Variants in PLA2G5 observed in about 807,000 individuals in gnomAD.
The protein encoded by PLA2G5 is phospholipase A2 group V, also known as Ca2+-dependent phospholipase A2.
In PLA2G5, 12 loss-of-function variants were observed where a neutral mutation model predicts 15.9. That is an observed-to-expected ratio of 0.76 (90% CI 0.48 to 1.23). PLA2G5 has a LOEUF of 1.23. Ranked by LOEUF, PLA2G5 falls within the 50% of genes most tolerant of loss-of-function variation. The probability of loss-of-function intolerance (pLI) is 0.00; values close to 1 mark genes in which losing one functional copy is unlikely to be tolerated. For missense variants in PLA2G5, 169 were observed against 177.1 expected (o/e 0.95, Z 0.26); for synonymous variants, 71 against 71.4 (o/e 0.99, Z 0.03).
At chr1:20,030,416 C>T (rs184436823) in intron 1 of PLA2G5, among the ~76,000 whole-genome samples, 33 of 152,184 alleles carry the variant, frequency 2.2e-4, no homozygotes, top group African/African-American at 7.9e-4. Context: ...GTATTGCCAC[C>T]AGCATGTCTC....
chr1:20,070,580 G>A (rs1417970631), intron 1 of PLA2G5, 115 bp downstream of exon 1: 2 of 526,754 alleles, frequency 3.8e-6, no homozygotes, highest in East Asian at 1.5e-4. Context: ...AGGGGGAGGT[G>A]CGCAGGCACA....
intron 1 of PLA2G5, among the ~76,000 whole-genome samples, chr1:20,049,949 A>G (rs941819460): frequency 5.3e-5 from 8 of 152,258 alleles, no homozygotes; most frequent in Non-Finnish European, 8.8e-5. Context: ...GTTGTGGCCT[A>G]ATGCTAACAA....
At chr1:20,030,626 C>T (rs1335779222) in intron 1 of PLA2G5, among the ~76,000 whole-genome samples, 9 of 152,098 alleles carry the variant, frequency 5.9e-5, no homozygotes, top group Admixed American at 5.9e-4. Flanking sequence ...ATGGTCAGGT[C>T]TTTCCCTTCC....
At chr1:20,082,523 C>T (rs2016088039) in intron 1 of PLA2G5, among the ~76,000 whole-genome samples, 1 of 151,988 alleles carries the variant, frequency 6.6e-6, no homozygotes, top group Non-Finnish European at 1.5e-5. Context: ...TCACCTGCTT[C>T]AGGTATTCCT....
intron 2 of PLA2G5, chr1:20,063,437 A>C (rs1000549983): frequency 2.0e-5 from 3 of 152,190 alleles, no homozygotes; most frequent in Admixed American, 2.0e-4. Flanking sequence ...GGGGAAGAGC[A>C]GGTTCTATCT....
chr1:20,084,359 G>A (rs760772144), intron 1 of PLA2G5, among the ~76,000 whole-genome samples: 5 of 152,210 alleles, frequency 3.3e-5, no homozygotes, highest in Non-Finnish European at 5.9e-5. Flanking sequence ...AGAATCACCG[G>A]CTTTCCTTCT....
intron 1 of PLA2G5, among the ~76,000 whole-genome samples, chr1:20,073,293 T>G (rs1214905590): frequency 6.6e-6 from 1 of 152,224 alleles, no homozygotes; most frequent in Non-Finnish European, 1.5e-5. Flanking sequence ...ATGGATTACA[T>G]TTTTCAAAGA....
rs1463278948 is a variant in PLA2G5, at chr1:20,091,705, T to C, written c.*1013T>C. 6.6e-6 allele frequency among the ~76,000 whole-genome samples: 1 copy of C among 152,068 alleles called. No individual in the cohort carries two copies. Among genetic ancestry groups the C allele is most frequent in the Non-Finnish European group, 1.5e-5 (1 of 68,022 alleles). ...TTAAAAAAACCAACCCGTCTATCAA[T>C]TCATAAAAGAAAGGATGTTCTGATA... is the stretch of plus-strand genomic sequence containing the variant. On this transcript the variant is annotated 3_prime_UTR_variant, in exon 5 of 5. Coordinates refer to ENST00000375108, the MANE Select transcript of PLA2G5 (RefSeq NM_000929.3).
intron 1 of PLA2G5, among the ~76,000 whole-genome samples, chr1:20,036,221 G>A (rs893632661): frequency 6.6e-6 from 1 of 152,144 alleles, no homozygotes; most frequent in Non-Finnish European, 1.5e-5. Context: ...ATGTCTAGGT[G>A]ATGATCTTTT....
At chr1:20,037,177 G>C (rs989525265) in intron 1 of PLA2G5, among the ~76,000 whole-genome samples, 1 of 152,126 alleles carries the variant, frequency 6.6e-6, no homozygotes. Flanking sequence ...TCTCATTTGG[G>C]GTAGACTATG....
chr1:20,045,740 G>T (rs567946914), intron 1 of PLA2G5, among the ~76,000 whole-genome samples: 1 of 152,314 alleles, frequency 6.6e-6, no homozygotes, highest in East Asian at 1.9e-4. Context: ...ACAGGGGATT[G>T]ATCTCCCAGT....
At position 20,091,533 on chromosome 1, in the gene PLA2G5, G is replaced by C. The variant is rs1306543614; in HGVS notation, c.*841G>C. ...TTTCAGTCTCTTTGAGAAATAAACT[G>C]TCTTGTTCCTTGCAATGTAAAATGA... is the stretch of plus-strand genomic sequence containing the variant. On this transcript the variant is annotated 3_prime_UTR_variant, in exon 5 of 5. Transcript: ENST00000375108. 6.6e-6 allele frequency among the ~76,000 whole-genome samples: 1 copy of C among 152,152 alleles called. No homozygotes were observed. Among genetic ancestry groups the C allele is most frequent in the Non-Finnish European group, 1.5e-5 (1 of 68,028 alleles).
intron 1 of PLA2G5, among the ~76,000 whole-genome samples, chr1:20,034,124 G>C (rs1451679291): frequency 6.6e-6 from 1 of 152,152 alleles, no homozygotes; most frequent in Non-Finnish European, 1.5e-5. Flanking sequence ...TAAAAGCTGA[G>C]TGGTGTGTTG....
intron 1 of PLA2G5, among the ~76,000 whole-genome samples, chr1:20,033,573 C>A (rs987672810): frequency 6.6e-6 from 1 of 152,124 alleles, no homozygotes; most frequent in African/African-American, 2.4e-5. Flanking sequence ...AGCAATGTGG[C>A]CACACCCAAT....
rs796550026 is a variant in PLA2G5 at position 20,033,772 on chromosome 1, A to AT, written n.276+5073dup. On this transcript the variant is annotated intron_variant and non_coding_transcript_variant, in intron 1 of 6. Coordinates refer to the PLA2G5 transcript ENST00000460175. Reference sequence around the variant, plus strand: ...CCAGTGCTGGGGTCATTAAAAGGGCATTTTTTTTTTAAAGTTTTTAAAGTG... The same window carrying AT: ...CCAGTGCTGGGGTCATTAAAAGGGCATTTTTTTTTTTAAAGTTTTTAAAGTG... Among the ~76,000 whole-genome samples the AT allele has an allele frequency of 4.9e-3, 730 of 149,190 alleles. 3 individuals carry two copies. Among genetic ancestry groups the AT allele is most frequent in the African/African-American group, 0.015 (609 of 40,684 alleles).
chr1:20,043,979 GAGTC>G (rs2013757152), intron 1 of PLA2G5, among the ~76,000 whole-genome samples: 1 of 152,214 alleles, frequency 6.6e-6, no homozygotes, highest in African/African-American at 2.4e-5. Flanking sequence ...ATCTGGGAAG[GAGTC>G]AGTCAGTCAG....
chr1:20,087,446 T>C (rs1294077727), intron 3 of PLA2G5, among the ~76,000 whole-genome samples: 1 of 151,906 alleles, frequency 6.6e-6, no homozygotes, highest in Non-Finnish European at 1.5e-5. Flanking sequence ...CAGGCTGGAG[T>C]GCAGTGGCGC....
chr1:20,057,420 C>T (rs184769584), intron 1 of PLA2G5, among the ~76,000 whole-genome samples: 37 of 151,942 alleles, frequency 2.4e-4, no homozygotes, highest in Non-Finnish European at 4.1e-4. Context: ...TTCTGCTTTG[C>T]AGAAATTAAC....
At chr1:20,072,039 C>T (rs1441529047) in intron 1 of PLA2G5, among the ~76,000 whole-genome samples, 3 of 152,060 alleles carry the variant, frequency 2.0e-5, no homozygotes, top group Admixed American at 6.5e-5. Flanking sequence ...ACCCAGGTGG[C>T]GGAGGTTGCA....
Sources: gnomAD v4.1 joint callset for allele counts (sites outside exome capture counted in the v4.1 genomes callset) on GRCh38, gnomAD v4.1.1 for gene constraint, MANE v1.5 for transcripts, NCBI Gene and HGNC (gene_info 2026-07-23, HGNC 2026-07-21) for gene names.